Variants in PTOV1 observed in about 807,000 individuals in gnomAD.
PTOV1 encodes the protein prostate tumor-overexpressed gene 1 protein.
In PTOV1, 20 loss-of-function variants were observed where a neutral mutation model predicts 58.0. The ratio of observed to expected loss-of-function variants is 0.34; its 90% CI spans 0.24 to 0.50. The LOEUF (loss-of-function observed/expected upper bound fraction) is 0.50, where lower values mean the gene tolerates loss of function less well. Among genes scored for constraint, PTOV1 ranks in the 20% least tolerant of loss-of-function variants. PTOV1 has a pLI of 0.98. For missense variants in PTOV1, 593 were observed against 565.4 expected, an observed-to-expected ratio of 1.05 and a Z score of -0.50; for synonymous variants, 335 against 234.2, an observed-to-expected ratio of 1.43 and a Z score of -3.93.
At chr19:49,858,524 T>TG in intron 9 of PTOV1, 25 bp from the exon 10 acceptor site, 4 of 1,558,006 alleles carry the variant, frequency 2.6e-6, no homozygotes, top group South Asian at 2.3e-5. Flanking sequence ...AAGCCAGAGC[T>TG]GGGGGTCCCC....
chr19:49,852,180 A>T, intron 1 of PTOV1: 1 of 680,704 alleles, frequency 1.5e-6, no homozygotes, highest in Non-Finnish European at 1.8e-6. Context: ...CACCGTGCAC[A>T]CGCTTGCCCC....
upstream of PTOV1, chr19:49,850,716 T>C: frequency 2.5e-6 from 2 of 797,964 alleles, no homozygotes; most frequent in Non-Finnish European, 3.7e-6. Context: ...CCTCGCCACG[T>C]CACCGACTGC....
At chr19:49,857,666 T>A (rs1235010472) in intron 6 of PTOV1, 27 bp from the exon 7 acceptor site, 2 of 1,607,156 alleles carry the variant, frequency 1.2e-6, no homozygotes, top group East Asian at 4.5e-5. Context: ...CCTGGGCCCC[T>A]CTTCCCACCC....
exon 12 of PTOV1, chr19:49,860,374 G>A: frequency 2.2e-6 from 3 of 1,351,574 alleles, no homozygotes; most frequent in South Asian, 1.3e-5. Flanking sequence ...AGGGACCCTG[G>A]GGCATGTGGG....
chr19:49,851,074 C>T (rs1425914724), upstream of PTOV1: 8 of 1,461,302 alleles, frequency 5.5e-6, no homozygotes, highest in East Asian at 5.3e-5. Flanking sequence ...CCCGCCCGGG[C>T]CCCGCTCCCC....
rs919385983 is a variant in PTOV1, at chr19:49,854,550, C to T, written c.309+7C>T. On this transcript the variant is annotated splice_region_variant and intron_variant, in intron 2 of 11. Transcript: ENST00000391842. ...CGTCCTCGAGTGGCAGGAGGTGAGT[C>T]TCTGTGGGGCTGCGGCTGGCCTCCA... 2 of 1,612,668 alleles carry T rather than the reference C, an allele frequency of 1.2e-6. No individual in the cohort carries two copies. Among genetic ancestry groups the T allele is most frequent in the African/African-American group, 1.3e-5 (1 of 75,004 alleles).
At position 49,857,031 on chromosome 19, in the gene PTOV1, C is replaced by T. The variant is rs140338308; in HGVS notation, c.615C>T (p.Leu205=). The T allele has an allele frequency of 3.7e-5, 59 of 1,613,954 alleles. No individual in the cohort carries two copies. In the African/African-American group the frequency reaches 6.7e-4, roughly 18 times the overall value. The change falls in exon 6 of 12, where the codon CTC becomes CTT. Residue 205 remains leucine (L), a synonymous_variant. Coordinates refer to ENST00000391842, the Ensembl canonical transcript of PTOV1. ...CCTGTGAGGTGCGCGTGCTCATGCT[C>T]CTGTACTCGTCCAAGAAGAAGATCT...
chr19:49,858,709 A>T, intron 10 of PTOV1, 56 bp downstream of exon 10: 1 of 1,417,014 alleles, frequency 7.1e-7, no homozygotes, highest in Non-Finnish European at 9.7e-7. Flanking sequence ...GCGAGCCCGG[A>T]CCGCTCACGG....
Position 49,851,287 on chromosome 19 carries a change from G to A in PTOV1, c.-42G>A. Reference sequence around the variant, plus strand: ...GTCGGTGGAGCCCGCAGCCCCCCTTGTGGCCCGCGGCAGCTCCCCGCCCGC... The same window carrying A: ...GTCGGTGGAGCCCGCAGCCCCCCTTATGGCCCGCGGCAGCTCCCCGCCCGC... On this transcript the variant is annotated 5_prime_UTR_variant, in exon 1 of 12. The change creates a new upstream start codon in the 5' untranslated region. Transcript: ENST00000391842. 1 of 1,063,366 alleles carries A rather than the reference G, an allele frequency of 9.4e-7. No individual in the cohort carries two copies. Among genetic ancestry groups the A allele is most frequent in the Non-Finnish European group, 1.1e-6 (1 of 884,760 alleles). The allele number at this position is 1,063,366 out of a possible 1,614,324, so 65.9% of individuals were successfully genotyped here.
intron 5 of PTOV1, 100 bp downstream of exon 5, chr19:49,855,177 G>A (rs764999087): frequency 5.3e-5 from 64 of 1,199,042 alleles, no homozygotes; most frequent in Middle Eastern, 4.3e-4. Flanking sequence ...GGTCTCCCCT[G>A]GGGCCGAGGG....
Position 49,860,212 on chromosome 19 carries a change from A to C in PTOV1, c.1239+29A>C, listed in dbSNP as rs757082950. 29 of 1,613,916 alleles carry C rather than the reference A, an allele frequency of 1.8e-5. No individual in the cohort carries two copies. In the South Asian group the frequency reaches 3.2e-4, roughly 18 times the overall value. ...AGGTGGCCGGCCTCCAGGGCTGCTC[A>C]GTCTCCCTCCACCCCCGCTGCCTGC... On this transcript the variant is annotated intron_variant, in intron 11 of 11. Coordinates refer to ENST00000391842, the Ensembl canonical transcript of PTOV1.
In PTOV1 at chr19:49,858,693, G is replaced by GGCAGA. The variant is rs766695771; in HGVS notation, c.1041+43_1041+47dup. ...CAGACGCAGGGGAGGGGCCGGCCAG[G>GGCAGA]GCAGAGCGAGCCCGGACCGCTCACG... On this transcript the variant is annotated intron_variant, in intron 10 of 11. Coordinates refer to ENST00000391842, the Ensembl canonical transcript of PTOV1. 7.7e-5 allele frequency: 118 copies of GGCAGA among 1,525,156 alleles called. 2 individuals carry two copies. The Middle Eastern group carries it at 1.6e-3, about 21-fold the overall frequency. 94.5% of individuals were successfully genotyped at this position (1,525,156 alleles called of 1,614,324 possible).
exon 1 of PTOV1, chr19:49,851,266 G>T: frequency 4.6e-6 from 5 of 1,098,530 alleles, no homozygotes; most frequent in Non-Finnish European, 5.5e-6. Context: ...CCCTCAGTCG[G>T]TGGAGCCCGC....
chr19:49,857,350 G>GGCTGC, intron 6 of PTOV1: 2 of 667,274 alleles, frequency 3.0e-6, no homozygotes, highest in Non-Finnish European at 5.0e-6. Context: ...TTGGCGCGGC[G>GGCTGC]GCAGGGAAGC....
At chr19:49,859,880 C>T in intron 10 of PTOV1, 106 bp from the exon 11 acceptor site, 2 of 1,224,984 alleles carry the variant, frequency 1.6e-6, no homozygotes, top group Non-Finnish European at 2.4e-6. Flanking sequence ...GAGGACAGAG[C>T]AGTTAGGCTG....
intron 1 of PTOV1, chr19:49,853,273 TATTACGG>T (rs1302007592): frequency 6.6e-6 from 1 of 152,198 alleles, no homozygotes; most frequent in Admixed American, 6.5e-5. Flanking sequence ...TGGAGGCGCC[TATTACGG>T]GGAAACTCTC....
At chr19:49,856,699 G>T in intron 5 of PTOV1, 1 of 440,272 alleles carries the variant, frequency 2.3e-6, no homozygotes, top group Non-Finnish European at 4.1e-6. Context: ...CTGGCGGCAG[G>T]GGGTGATGTG....
At chr19:49,858,572 G>A (rs1030215719) in exon 10 of PTOV1, 2 of 1,603,888 alleles carry the variant, frequency 1.2e-6, no homozygotes, top group Non-Finnish European at 1.7e-6. Context: ...CGCTGTTCCG[G>A]AACTCGCGCC....
intron 1 of PTOV1, 53 bp from the exon 2 acceptor site, chr19:49,854,353 G>A (rs1468657310): frequency 2.5e-6 from 4 of 1,572,844 alleles, no homozygotes; most frequent in Middle Eastern, 2.4e-4. Context: ...GGGACTGCCT[G>A]TCCTTGCAGG....
Sources: allele counts gnomAD v4.1 joint callset, GRCh38; gene constraint gnomAD v4.1.1; transcripts MANE v1.5; gene names NCBI Gene and HGNC (gene_info 2026-07-23, HGNC 2026-07-21).